The following TSACC variants were observed in gnomAD, a reference collection of about 807,000 sequenced individuals.
TSACC encodes the protein TSSK6 activating cochaperone, also known as TSSK6-activating co-chaperone protein.
A neutral mutation model predicts 6.9 loss-of-function variants in TSACC; 3 were observed. The ratio of observed to expected loss-of-function variants is 0.43; its 90% CI spans 0.20 to 1.12. TSACC has a LOEUF of 1.12. Ranked by LOEUF, TSACC falls within the 50% of genes most tolerant of loss-of-function variation. The pLI, the probability that TSACC is intolerant of heterozygous loss-of-function variation, is 0.28. For missense variants in TSACC, 137 were observed against 143.9 expected (o/e 0.95, Z 0.24); for synonymous variants, 54 against 55.1 (o/e 0.98, Z 0.09).
At chr1:156,340,836 T>A (rs190091548) in intron 2 of TSACC, among the ~76,000 whole-genome samples, 11 of 152,286 alleles carry the variant, frequency 7.2e-5, no homozygotes, top group Admixed American at 4.6e-4. Context: ...CTTTGGAGTC[T>A]ACAGGACCAA....
Position 156,344,570 on chromosome 1 carries a change from T to G in TSACC, c.35-10T>G. 4.3e-6 allele frequency: 7 copies of G among 1,612,850 alleles called. No individual in the cohort carries two copies. The highest frequency in any genetic ancestry group is 5.9e-6 in the Non-Finnish European group (7 of 1,179,622). ...TGGAATGAGCTCTGATTTAGTTATC[T>G]CTGATTTAGTTCCAGCCAAAGAGGA... On this transcript the variant is annotated splice_polypyrimidine_tract_variant and intron_variant, in intron 2 of 3. Transcript: ENST00000368254.
At chr1:156,340,422 G>A (rs1665806945) in intron 2 of TSACC, among the ~76,000 whole-genome samples, 1 of 150,900 alleles carries the variant, frequency 6.6e-6, no homozygotes, top group African/African-American at 2.4e-5. Flanking sequence ...GACTCCCAAA[G>A]TGCTGGGATT....
In TSACC at chr1:156,346,704, T is replaced by C. The variant is rs547048626; in HGVS notation, c.164-64T>C. 88 of 1,520,596 alleles carry C rather than the reference T, an allele frequency of 5.8e-5. No individual in the cohort carries two copies. In the East Asian group the frequency reaches 1.2e-3, roughly 20 times the overall value. 94.2% of individuals were successfully genotyped at this position (1,520,596 alleles called of 1,614,324 possible). A position where few individuals can be genotyped will look rare whatever the true frequency, so the allele number is the denominator to read the frequency against. ...TCATTTTATTAGGGTCCTTCCAACC[T>C]CAGTACAATTACCAAATCTCTCTCC... On this transcript the variant is annotated intron_variant, in intron 3 of 3. Coordinates refer to ENST00000368254, the MANE Select transcript of TSACC (RefSeq NM_001304817.2).
In TSACC at chr1:156,346,649, G is replaced by T. The variant is rs1666198799; in HGVS notation, c.164-119G>T. On this transcript the variant is annotated intron_variant, in intron 3 of 3. Transcript: ENST00000368254. Reference sequence around the variant, plus strand: ...GACAGCTGGGCAAAGGTATGTCTGGGTTGGGTTGTGCCTGGAAAGATTGGA... The same window carrying T: ...GACAGCTGGGCAAAGGTATGTCTGGTTTGGGTTGTGCCTGGAAAGATTGGA... 1.8e-5 allele frequency: 17 copies of T among 922,768 alleles called. No individual in the cohort carries two copies. The East Asian group carries it at 3.9e-4, about 21-fold the overall frequency. The allele number at this position is 922,768 out of a possible 1,614,324, so 57.2% of individuals were successfully genotyped here. A position where few individuals can be genotyped will look rare whatever the true frequency, so the allele number is the denominator to read the frequency against.
At chr1:156,344,473 T>C (rs764826950) in intron 2 of TSACC, 107 bp from the exon 3 acceptor site, 33 of 1,440,136 alleles carry the variant, frequency 2.3e-5, no homozygotes, top group Non-Finnish European at 3.0e-5. Context: ...ATGTAACATA[T>C]TCACGGCAGG....
intron 2 of TSACC, among the ~76,000 whole-genome samples, chr1:156,342,627 T>C (rs762434081): frequency 1.6e-4 from 25 of 152,258 alleles, no homozygotes; most frequent in Non-Finnish European, 2.9e-4. Context: ...AGCTGAGATA[T>C]TATTTCCTCA....
chr1:156,342,003 A>G (rs1665916549), intron 2 of TSACC, among the ~76,000 whole-genome samples: 1 of 150,694 alleles, frequency 6.6e-6, no homozygotes, highest in South Asian at 2.1e-4. Flanking sequence ...CGGAGCTTGC[A>G]GTGAGCCGAG....
At chr1:156,342,988 C>G (rs1665978826) in intron 2 of TSACC, among the ~76,000 whole-genome samples, 1 of 152,218 alleles carries the variant, frequency 6.6e-6, no homozygotes, top group South Asian at 2.1e-4. Flanking sequence ...ACTTCCTTTT[C>G]ATCTTCTAGA....
chr1:156,338,638 C>T (rs1401237903), intron 1 of TSACC, 33 bp downstream of exon 1: 1 of 184,322 alleles, frequency 5.4e-6, no homozygotes, highest in Non-Finnish European at 1.1e-5. Flanking sequence ...TGCGACTCGG[C>T]TCCTATCGGA....
intron 1 of TSACC, 130 bp from the exon 2 acceptor site, chr1:156,339,504 C>A: frequency 1.1e-5 from 5 of 440,696 alleles, no homozygotes; most frequent in East Asian, 7.5e-5. Context: ...ACTATTTTGT[C>A]CAGAAAAAAA....
intron 3 of TSACC, among the ~76,000 whole-genome samples, chr1:156,346,563 T>C (rs1226632765): frequency 6.6e-6 from 1 of 152,094 alleles, no homozygotes; most frequent in Non-Finnish European, 1.5e-5. Flanking sequence ...GAGGGGGTAA[T>C]AAGTTCCAGT....
intron 2 of TSACC, among the ~76,000 whole-genome samples, chr1:156,342,083 GA>G (rs368367752): frequency 0.022 from 3,257 of 146,696 alleles, 115 homozygotes; most frequent in African/African-American, 0.073. Context: ...AAAAAAGAAA[GA>G]AAAAAAAATG....
At position 156,340,386 on chromosome 1, in the gene TSACC, C is replaced by G. The variant is rs965399300; in HGVS notation, c.34+595C>G. ...GTGTCAGCCAGGATGGTCTTAATCT[C>G]CTGACCTTGTGATCCAACTGCCTTG... On this transcript the variant is annotated intron_variant, in intron 2 of 3. Transcript: ENST00000368254. Among the ~76,000 whole-genome samples the G allele has an allele frequency of 3.3e-5, 5 of 151,986 alleles. No homozygotes were observed. The East Asian group carries it at 7.7e-4, about 23-fold the overall frequency.
intron 3 of TSACC, among the ~76,000 whole-genome samples, chr1:156,345,401 A>T (rs1389956208): frequency 6.6e-6 from 1 of 151,684 alleles, no homozygotes; most frequent in Non-Finnish European, 1.5e-5. Context: ...TGTCTCTACT[A>T]AAAATACAAA....
intron 2 of TSACC, among the ~76,000 whole-genome samples, chr1:156,342,783 A>G (rs1230281557): frequency 6.6e-6 from 1 of 152,262 alleles, no homozygotes; most frequent in Non-Finnish European, 1.5e-5. Context: ...TCTGTTTAGC[A>G]AACTGTGGTA....
In TSACC at chr1:156,344,581, T is replaced by C. The variant is rs781317406; in HGVS notation, c.36T>C (p.Val12=). 1 of 1,613,710 alleles carries C rather than the reference T, an allele frequency of 6.2e-7. No individual in the cohort carries two copies. The highest frequency in any genetic ancestry group is 8.5e-7 in the Non-Finnish European group (1 of 1,179,858). The stretch of plus-strand genomic sequence containing the variant: ...CTGATTTAGTTATCTCTGATTTAGT[T>C]CCAGCCAAAGAGGAAGCTAATGCTG... ...ERHTSHPNRK[V]PAKEEANAVP... is the part of the protein sequence containing the mutation. The change falls in exon 3 of 4, where the codon GTT becomes GTC. Residue 12 remains valine, a splice_region_variant and synonymous_variant. Transcript: ENST00000368254.
chr1:156,341,398 C>A (rs1447117809), intron 2 of TSACC, among the ~76,000 whole-genome samples: 1 of 152,184 alleles, frequency 6.6e-6, no homozygotes, highest in African/African-American at 2.4e-5. Flanking sequence ...ATAGCACTTA[C>A]TGAAATGTAA....
At chr1:156,343,809 C>A (rs546006636) in intron 2 of TSACC, among the ~76,000 whole-genome samples, 5 of 152,006 alleles carry the variant, frequency 3.3e-5, no homozygotes, top group Admixed American at 3.3e-4. Context: ...GTTGTGATCT[C>A]GGCTCGCTGC....
chr1:156,343,774 C>G (rs1204496848), intron 2 of TSACC, among the ~76,000 whole-genome samples: 2 of 152,016 alleles, frequency 1.3e-5, no homozygotes, highest in Admixed American at 6.6e-5. Flanking sequence ...GAATCTCACC[C>G]TTGTTGCCCA....
Sources: allele counts gnomAD v4.1 joint callset (sites outside exome capture counted in the v4.1 genomes callset), GRCh38; gene constraint gnomAD v4.1.1; transcripts MANE v1.5; gene names NCBI Gene and HGNC (gene_info 2026-07-23, HGNC 2026-07-21).